Variants in HIP1 observed in about 807,000 individuals in gnomAD.
HIP1 encodes huntingtin interacting protein 1.
Under a neutral mutation model 147.6 loss-of-function variants are expected in HIP1, and 65 were observed. That is an observed-to-expected ratio of 0.44 (90% confidence interval 0.36 to 0.54). The LOEUF (loss-of-function observed/expected upper bound fraction) is 0.54, where lower values mean the gene tolerates loss of function less well. Among genes scored for constraint, HIP1 ranks in the 20% least tolerant of loss-of-function variants. The pLI is 0.00. For missense variants in HIP1, 1,061 were observed against 1,299.6 expected (o/e 0.82, Z 2.82); for synonymous variants, 479 against 504.0 (o/e 0.95, Z 0.67).
intron 1 of HIP1, among the ~76,000 whole-genome samples, chr7:75,721,544 G>T (rs976135337): frequency 6.6e-6 from 1 of 151,092 alleles, no homozygotes; most frequent in South Asian, 2.1e-4. Context: ...AAAAAAAAAA[G>T]TTTTTCTGGA....
At position 75,629,082 on chromosome 7, in the gene HIP1, A is replaced by C. The variant is rs1489537351; in HGVS notation, c.121-29835T>G. On this transcript the variant is annotated intron_variant, in intron 1 of 30. Transcript: ENST00000336926. ...AAGTTATTTTAGGTCCCAGAATACG[A>C]GGCTGAACTGAGTCCTCCAAAGAGA... is the stretch of plus-strand genomic sequence containing the variant. 3.3e-5 allele frequency among the ~76,000 whole-genome samples: 5 copies of C among 152,212 alleles called. 1 individual carries two copies. The highest frequency in any genetic ancestry group is 9.6e-5 in the African/African-American group (4 of 41,464).
intron 20 of HIP1, 92 bp downstream of exon 20, chr7:75,554,348 C>A (rs879999936): frequency 8.5e-6 from 11 of 1,300,448 alleles, no homozygotes; most frequent in African/African-American, 1.5e-5. Context: ...TTTCTTGATG[C>A]AGAGGGACCT....
chr7:75,577,003 T>G (rs371287958), intron 7 of HIP1, among the ~76,000 whole-genome samples: 4 of 152,124 alleles, frequency 2.6e-5, no homozygotes, highest in Admixed American at 2.0e-4. Flanking sequence ...GGCTAGTGAG[T>G]GCCCTATTGG....
intron 1 of HIP1, among the ~76,000 whole-genome samples, chr7:75,629,030 C>T (rs1554508473): frequency 1.3e-5 from 2 of 152,158 alleles, no homozygotes. Context: ...AGACTTCTTC[C>T]TAGCCTGAGA....
chr7:75,666,714 A>G (rs1404823825), intron 1 of HIP1, among the ~76,000 whole-genome samples: 1 of 152,138 alleles, frequency 6.6e-6, no homozygotes, highest in African/African-American at 2.4e-5. Context: ...CCAATGGGAG[A>G]AAGTACGGAT....
At chr7:75,567,646 C>CA (rs1795456236) in intron 9 of HIP1, among the ~76,000 whole-genome samples, 1 of 151,060 alleles carries the variant, frequency 6.6e-6, no homozygotes, top group Non-Finnish European at 1.5e-5. Flanking sequence ...ACTAAAAATA[C>CA]AAAAATTAGC....
intron 1 of HIP1, among the ~76,000 whole-genome samples, chr7:75,737,810 G>A (rs1270568082): frequency 6.6e-6 from 1 of 152,168 alleles, no homozygotes; most frequent in Non-Finnish European, 1.5e-5. Context: ...GGACCCAAAT[G>A]GATCTTCAAA....
At chr7:75,615,811 C>T (rs587701352) in intron 1 of HIP1, among the ~76,000 whole-genome samples, 65 of 150,358 alleles carry the variant, frequency 4.3e-4, no homozygotes, top group South Asian at 1.5e-3. Flanking sequence ...AATGGCCAGG[C>T]GCGGTGGCTC....
In HIP1 at chr7:75,556,762, G is replaced by T. The variant is rs782483957; in HGVS notation, c.1631C>A (p.Thr544Lys). ...CAGAACCTGAAGCTCCCGTTGGCTT[G>T]TGGCAAGTTCCTGCTTCAAGCTCTC... ...VLESLKQELA[T>K]SQRELQVLQG... Residue 544 changes from threonine to lysine, a missense_variant, in exon 17 of 31, where the codon ACA (threonine) becomes AAA (lysine). By Grantham distance (78) the Thr-to-Lys change is moderately conservative. This residue lies in a region of HIP1 where 810 missense variants were observed against 946.8 expected (regional missense o/e 0.86). Transcript: ENST00000336926. 4.3e-6 allele frequency: 7 copies of T among 1,613,736 alleles called. No individual in the cohort carries two copies. The East Asian group carries it at 1.6e-4, about 36-fold the overall frequency.
At chr7:75,688,628 C>G (rs947481155) in intron 1 of HIP1, among the ~76,000 whole-genome samples, 1 of 152,112 alleles carries the variant, frequency 6.6e-6, no homozygotes, top group Admixed American at 6.6e-5. Flanking sequence ...AGCCCACCAC[C>G]AGCAGCTGCC....
chr7:75,574,256 G>A (rs1342204997), intron 7 of HIP1, among the ~76,000 whole-genome samples: 1 of 151,038 alleles, frequency 6.6e-6, no homozygotes, highest in African/African-American at 2.4e-5. Context: ...TCATGCTATT[G>A]CACTCCAGCA....
At position 75,558,231 on chromosome 7, in the gene HIP1, C is replaced by T. The variant is rs782248151; in HGVS notation, c.1400G>A (p.Arg467Gln). ...GTACTTCTCCTTTAGCTTGCTATAT[C>T]GCTGTTCATTGGCTTGAGCTTTCCC... The part of the protein sequence containing the change: ...IERKAQANEQ[R>Q]YSKLKEKYSE... Residue 467 changes from arginine (R) to glutamine (Q), a missense_variant, in exon 15 of 31, where the codon CGA becomes CAA. By Grantham distance (43) the Arg-to-Gln change is conservative. Transcript: ENST00000336926. 4 of 1,614,124 alleles carry T rather than the reference C, an allele frequency of 2.5e-6. No individual in the cohort carries two copies. Among genetic ancestry groups the T allele is most frequent in the South Asian group, 2.2e-5 (2 of 91,086 alleles).
chr7:75,624,166 G>T (rs1797950280), intron 1 of HIP1, among the ~76,000 whole-genome samples: 1 of 152,216 alleles, frequency 6.6e-6, no homozygotes, highest in East Asian at 1.9e-4. Flanking sequence ...CGGTGAGGCT[G>T]TGGTTACACT....
Position 75,546,945 on chromosome 7 carries a change from G to A in HIP1, c.2553C>T (p.Ser851=), listed in dbSNP as rs782265620. ...SKDLQREIVE[S]GRGTASPKEF... is the part of the protein sequence containing the mutation. ...GGCCCACACCCACGCTCACCCTGCC[G>A]CTCTCCACAATCTCTCTCTGGAGGT... is the stretch of plus-strand genomic sequence containing the variant. Residue 851 remains serine (S), a synonymous_variant, in exon 25 of 31, where the codon AGC becomes AGT. Coordinates refer to ENST00000336926, the MANE Select transcript of HIP1 (RefSeq NM_005338.7). The A allele has an allele frequency of 1.9e-5, 30 of 1,568,076 alleles. No homozygotes were observed. The highest frequency in any genetic ancestry group is 3.8e-5 in the Admixed American group (2 of 53,222).
chr7:75,729,696 G>A (rs1801770571), intron 1 of HIP1, among the ~76,000 whole-genome samples: 1 of 152,120 alleles, frequency 6.6e-6, no homozygotes, highest in Non-Finnish European at 1.5e-5. Flanking sequence ...TGAGGCAGGA[G>A]AATAGCTTGA....
intron 1 of HIP1, among the ~76,000 whole-genome samples, chr7:75,714,479 GTCTC>G (rs1353988456): frequency 2.8e-5 from 4 of 144,842 alleles, no homozygotes; most frequent in Admixed American, 7.0e-5. Flanking sequence ...TTGAGACAGA[GTCTC>G]TCTCTGTCAG....
chr7:75,534,187 C>T lies in HIP1; in HGVS notation c.*3985G>A, dbSNP rs1554488131. On this transcript the variant is annotated 3_prime_UTR_variant, in exon 31 of 31. Transcript: ENST00000336926. ...CGGAGCGACATGTACCTGTGATTCC[C>T]GTGTTACCTGGTGGCATAAACCTTG... 2 of 227,420 alleles carry T rather than the reference C, an allele frequency of 8.8e-6. No individual in the cohort carries two copies. The highest frequency in any genetic ancestry group is 2.2e-5 in the African/African-American group (1 of 45,020). The allele number at this position is 227,420 out of a possible 1,614,324, so 14.1% of individuals were successfully genotyped here. A position where few individuals can be genotyped will look rare whatever the true frequency, so the allele number is the denominator to read the frequency against.
intron 11 of HIP1, 96 bp downstream of exon 11, chr7:75,562,839 T>G: frequency 7.9e-7 from 1 of 1,271,250 alleles, no homozygotes; most frequent in East Asian, 2.4e-5. Flanking sequence ...TGAACCTGGT[T>G]AGAGTCAATG....
intron 1 of HIP1, among the ~76,000 whole-genome samples, chr7:75,688,056 A>G (rs1380010578): frequency 1.3e-5 from 2 of 152,058 alleles, no homozygotes; most frequent in African/African-American, 4.8e-5. Flanking sequence ...CCTGAAGGCC[A>G]CTTACCATCC....
Sources: allele counts gnomAD v4.1 joint callset (sites outside exome capture counted in the v4.1 genomes callset), GRCh38; gene constraint gnomAD v4.1.1; regional missense constraint gnomAD v4.1.1; transcripts MANE v1.5; gene names NCBI Gene and HGNC (gene_info 2026-07-23, HGNC 2026-07-21).